The following SPAG16 variants were observed in gnomAD, a reference collection of about 807,000 sequenced individuals.
The protein encoded by SPAG16 is sperm associated antigen 16.
In SPAG16, 86 loss-of-function variants were observed where a neutral mutation model predicts 80.4. The ratio of observed to expected loss-of-function variants is 1.07; its 90% CI spans 0.90 to 1.28. The LOEUF (loss-of-function observed/expected upper bound fraction) is 1.28, where lower values mean the gene tolerates loss of function less well. SPAG16 is among the 50% of genes most tolerant of loss of function. The pLI, the probability that SPAG16 is intolerant of heterozygous loss-of-function variation, is 0.00. For synonymous variants in SPAG16, 294 were observed against 265.9 expected, an observed-to-expected ratio of 1.11 and a Z score of -1.03; for missense variants, 870 against 765.3, an observed-to-expected ratio of 1.14 and a Z score of -1.61.
intron 10 of SPAG16, among the ~76,000 whole-genome samples, chr2:213,758,496 T>C (rs998427724): frequency 1.3e-5 from 2 of 151,844 alleles, no homozygotes; most frequent in Non-Finnish European, 2.9e-5. Context: ...ATTCAATGGA[T>C]AGGAAACCTC....
intron 15 of SPAG16, among the ~76,000 whole-genome samples, chr2:214,220,049 A>G (rs1269251718): frequency 6.6e-6 from 1 of 152,174 alleles, no homozygotes; most frequent in Non-Finnish European, 1.5e-5. Flanking sequence ...CATTTTACAC[A>G]TATAGTTGAA....
chr2:213,521,858 A>T (rs1251289899), intron 10 of SPAG16, among the ~76,000 whole-genome samples: 1 of 152,232 alleles, frequency 6.6e-6, no homozygotes, highest in East Asian at 1.9e-4. Flanking sequence ...GCATGACTAC[A>T]AAGTAAATTA....
Position 213,364,074 on chromosome 2 carries a change from A to G in SPAG16, c.763-2A>G. The stretch of plus-strand genomic sequence containing the variant: ...TTCATTTCTTTGAATTTTACTTTTT[A>G]GATTTCTGGACTTCAAGAAACATTG... On this transcript the variant is annotated splice_acceptor_variant, in intron 7 of 15. Transcript: ENST00000331683. LOFTEE classifies it high-confidence loss of function. The G allele has an allele frequency of 6.8e-7, 1 of 1,464,076 alleles. No individual in the cohort carries two copies. Among genetic ancestry groups the G allele is most frequent in the Non-Finnish European group, 9.1e-7 (1 of 1,097,334 alleles). The allele number at this position is 1,464,076 out of a possible 1,614,324, so 90.7% of individuals were successfully genotyped here.
intron 5 of SPAG16, among the ~76,000 whole-genome samples, chr2:213,338,863 G>T (rs2064524348): frequency 7.0e-6 from 1 of 142,626 alleles, no homozygotes. Context: ...CGCCTGTCAG[G>T]GGGTGGAGTA....
At chr2:213,799,611 T>C (rs1371138586) in intron 10 of SPAG16, among the ~76,000 whole-genome samples, 1 of 152,124 alleles carries the variant, frequency 6.6e-6, no homozygotes, top group Non-Finnish European at 1.5e-5. Flanking sequence ...GATACATGTA[T>C]AACACAATAC....
At chr2:214,235,911 T>C (rs1689042600) in intron 15 of SPAG16, among the ~76,000 whole-genome samples, 1 of 152,196 alleles carries the variant, frequency 6.6e-6, no homozygotes, top group Admixed American at 6.6e-5. Context: ...AGAATTTGTG[T>C]CTATCTCTTA....
intron 12 of SPAG16, among the ~76,000 whole-genome samples, chr2:213,944,676 G>T (rs1194875483): frequency 6.6e-6 from 1 of 152,128 alleles, no homozygotes; most frequent in African/African-American, 2.4e-5. Context: ...GAATTGTGGG[G>T]GGCTGGGAAT....
chr2:213,575,196 A>G (rs532035543), intron 10 of SPAG16, among the ~76,000 whole-genome samples: 43 of 152,304 alleles, frequency 2.8e-4, no homozygotes, highest in South Asian at 1.2e-3. Context: ...TGATAAGAGT[A>G]TTTACTCCTC....
chr2:214,152,614 G>C (rs951776367), intron 15 of SPAG16, among the ~76,000 whole-genome samples: 1 of 152,148 alleles, frequency 6.6e-6, no homozygotes, highest in Non-Finnish European at 1.5e-5. Context: ...AAGACAAGGA[G>C]ATAAAAGAAA....
intron 5 of SPAG16, chr2:213,317,597 T>G (rs1043646): frequency 0.27 from 308,479 of 1,127,092 alleles, 46,248 homozygotes; most frequent in Non-Finnish European, 0.3. Context: ...GTACATTTTT[T>G]ATATAACATT....
At chr2:213,293,816 T>C (rs1225618528) in intron 1 of SPAG16, among the ~76,000 whole-genome samples, 1 of 152,246 alleles carries the variant, frequency 6.6e-6, no homozygotes, top group East Asian at 1.9e-4. Context: ...ACATTACATA[T>C]ATTCTAGGTG....
At chr2:213,370,043 T>G (rs372454897) in intron 8 of SPAG16, among the ~76,000 whole-genome samples, 75 of 152,330 alleles carry the variant, frequency 4.9e-4, no homozygotes, top group African/African-American at 1.7e-3. Context: ...CTTTTGTGCT[T>G]TGCGTATTCA....
intron 9 of SPAG16, among the ~76,000 whole-genome samples, chr2:213,376,882 G>C (rs955215350): frequency 2.0e-5 from 3 of 152,122 alleles, no homozygotes; most frequent in African/African-American, 7.2e-5. Context: ...GGAGGAAGGA[G>C]AATACCTGAA....
chr2:214,232,996 G>A (rs1327756769), intron 15 of SPAG16, among the ~76,000 whole-genome samples: 5 of 152,054 alleles, frequency 3.3e-5, no homozygotes, highest in African/African-American at 1.2e-4. Flanking sequence ...AAAATAAAAT[G>A]TGCAGTGAAA....
intron 13 of SPAG16, among the ~76,000 whole-genome samples, chr2:214,049,448 T>C (rs1334232772): frequency 1.3e-5 from 2 of 152,152 alleles, no homozygotes; most frequent in African/African-American, 2.4e-5. Flanking sequence ...AGTGCTAGTT[T>C]GGAGAAAATT....
At chr2:213,894,150 G>T (rs1261618911) in intron 11 of SPAG16, among the ~76,000 whole-genome samples, 1 of 152,098 alleles carries the variant, frequency 6.6e-6, no homozygotes, top group African/African-American at 2.4e-5. Flanking sequence ...GGCCAAAAGT[G>T]CCCACTGTAT....
chr2:213,472,424 G>C (rs2073130365), intron 9 of SPAG16, among the ~76,000 whole-genome samples: 1 of 152,160 alleles, frequency 6.6e-6, no homozygotes, highest in South Asian at 2.1e-4. Context: ...CTTCTGCATA[G>C]GCCTTATGGG....
chr2:214,046,421 C>G (rs2049329357), intron 13 of SPAG16, among the ~76,000 whole-genome samples: 1 of 152,190 alleles, frequency 6.6e-6, no homozygotes, highest in Admixed American at 6.5e-5. Flanking sequence ...AAGTCAATGT[C>G]ACTGATGAAT....
intron 6 of SPAG16, among the ~76,000 whole-genome samples, chr2:213,347,236 C>CT (rs2065048286): frequency 6.6e-6 from 1 of 152,052 alleles, no homozygotes; most frequent in Admixed American, 6.6e-5. Flanking sequence ...GTGATATCCC[C>CT]TTTATCATTT....
Sources: gnomAD v4.1 joint callset for allele counts (sites outside exome capture counted in the v4.1 genomes callset) on GRCh38, gnomAD v4.1.1 for gene constraint, MANE v1.5 for transcripts, NCBI Gene and HGNC (gene_info 2026-07-23, HGNC 2026-07-21) for gene names.